Variants in COL23A1 observed in about 807,000 individuals in gnomAD.
COL23A1 encodes collagen type XXIII alpha 1 chain, also known as collagen alpha-1(XXIII) chain.
A neutral mutation model predicts 99.3 loss-of-function variants in COL23A1; 97 were observed. That is an observed-to-expected ratio of 0.98 (90% CI 0.83 to 1.16). COL23A1 has a LOEUF of 1.16. COL23A1 is among the 50% of genes most tolerant of loss of function. The probability of loss-of-function intolerance (pLI) is 0.00; values close to 1 mark genes in which losing one functional copy is unlikely to be tolerated. For missense variants in COL23A1, 762 were observed against 757.4 expected (o/e 1.01, Z -0.07); for synonymous variants, 320 against 308.2 (o/e 1.04, Z -0.40).
intron 2 of COL23A1, among the ~76,000 whole-genome samples, chr5:178,529,981 C>T (rs1760551863): frequency 6.6e-6 from 1 of 152,206 alleles, no homozygotes; most frequent in South Asian, 2.1e-4. Flanking sequence ...CTCTAGCAGT[C>T]AGGCCTATCT....
At chr5:178,512,684 G>A (rs1023757040) in intron 2 of COL23A1, among the ~76,000 whole-genome samples, 9 of 152,204 alleles carry the variant, frequency 5.9e-5, no homozygotes, top group African/African-American at 2.2e-4. Flanking sequence ...CTGGATAGGT[G>A]CAGAAGAGAA....
rs943326802 is a variant in COL23A1, at chr5:178,281,513, G to C, written c.441+6811C>G. The stretch of plus-strand genomic sequence containing the variant: ...TGCAGTCACCGCTCCCTCGACTCCA[G>C]AGGGGCTTGGGCACGGCGCTCCGGG... On this transcript the variant is annotated intron_variant, in intron 5 of 28. Transcript: ENST00000390654. The surrounding 1 kb of genome is among the most constrained non-coding windows in gnomAD (Gnocchi z 4.0). 1.3e-5 allele frequency among the ~76,000 whole-genome samples: 2 copies of C among 152,144 alleles called. No homozygotes were observed. Among genetic ancestry groups the C allele is most frequent in the African/African-American group, 4.8e-5 (2 of 41,450 alleles).
intron 2 of COL23A1, among the ~76,000 whole-genome samples, chr5:178,320,420 G>A (rs1354286149): frequency 6.6e-6 from 1 of 152,204 alleles, no homozygotes; most frequent in East Asian, 1.9e-4. Flanking sequence ...TTGTGCACAG[G>A]TAGACACAGC....
chr5:178,560,266 G>A (rs962872601), intron 2 of COL23A1, among the ~76,000 whole-genome samples: 1 of 152,100 alleles, frequency 6.6e-6, no homozygotes, highest in Non-Finnish European at 1.5e-5. Flanking sequence ...AGAAGGCTAC[G>A]TCCACTATTT....
chr5:178,486,378 G>A (rs1757627516), intron 2 of COL23A1, among the ~76,000 whole-genome samples: 1 of 152,222 alleles, frequency 6.6e-6, no homozygotes, highest in Non-Finnish European at 1.5e-5. Context: ...TGCAGCATAA[G>A]TAAGATCCAG....
intron 18 of COL23A1, among the ~76,000 whole-genome samples, chr5:178,249,437 G>A (rs1764893395): frequency 2.0e-5 from 3 of 152,334 alleles, no homozygotes; most frequent in East Asian, 1.9e-4. Flanking sequence ...AGGGGCCGGG[G>A]CAGATGGGTG....
chr5:178,248,090 G>T, intron 20 of COL23A1, 102 bp downstream of exon 20: 1 of 842,352 alleles, frequency 1.2e-6, no homozygotes, highest in Non-Finnish European at 1.9e-6. Flanking sequence ...TACTGCCCTG[G>T]GTTTGCTCAG....
Position 178,590,201 on chromosome 5 carries a change from G to T in COL23A1, c.-4C>A. The T allele has an allele frequency of 8.2e-7, 1 of 1,212,480 alleles. No homozygotes were observed. Among genetic ancestry groups the T allele is most frequent in the Non-Finnish European group, 1.0e-6 (1 of 977,498 alleles). The allele number at this position is 1,212,480 out of a possible 1,614,324, so 75.1% of individuals were successfully genotyped here. On this transcript the variant is annotated 5_prime_UTR_variant, in exon 1 of 29. Transcript: ENST00000390654. This position sits in a 1 kb window ranked among gnomAD's most constrained non-coding sequence, Gnocchi z 5.7. ...CGGCGCGCTCGCCTGGGCCCATGGC[G>T]CGTTCGTCGCGCGTGGACTCTCCGA... is the stretch of plus-strand genomic sequence containing the variant.
intron 9 of COL23A1, 139 bp from the exon 10 acceptor site, chr5:178,262,391 C>T: frequency 1.3e-6 from 1 of 741,704 alleles, no homozygotes; most frequent in South Asian, 1.7e-5. Context: ...GAGCGAGTAT[C>T]ACTGTCCCCA....
chr5:178,353,425 A>C (rs1761443150), intron 2 of COL23A1, among the ~76,000 whole-genome samples: 1 of 152,216 alleles, frequency 6.6e-6, no homozygotes, highest in South Asian at 2.1e-4. Flanking sequence ...AAACTATGAG[A>C]AAATATTTCC....
intron 2 of COL23A1, among the ~76,000 whole-genome samples, chr5:178,345,894 A>G (rs185935041): frequency 2.0e-5 from 3 of 152,272 alleles, no homozygotes; most frequent in Non-Finnish European, 1.5e-5. Context: ...GGACATGGTC[A>G]TTCACTTGGG....
chr5:178,539,512 C>T (rs1168466457), intron 2 of COL23A1, among the ~76,000 whole-genome samples: 1 of 124,734 alleles, frequency 8.0e-6, no homozygotes, highest in Non-Finnish European at 1.6e-5. Context: ...CGCCATTGCA[C>T]TCCGGCCTGG....
At chr5:178,441,968 A>G (rs1253820538) in intron 2 of COL23A1, among the ~76,000 whole-genome samples, 2 of 152,152 alleles carry the variant, frequency 1.3e-5, no homozygotes, top group Non-Finnish European at 2.9e-5. Context: ...CCAGTGGCTC[A>G]TGCCTCAGTT....
chr5:178,420,954 C>T (rs543618816), intron 2 of COL23A1, among the ~76,000 whole-genome samples: 14 of 151,986 alleles, frequency 9.2e-5, no homozygotes, highest in African/African-American at 1.7e-4. Context: ...GAATGTCTCC[C>T]TCCCTGGCGT....
intron 12 of COL23A1, among the ~76,000 whole-genome samples, chr5:178,258,677 C>G (rs1009429603): frequency 2.6e-5 from 4 of 151,828 alleles, no homozygotes; most frequent in Admixed American, 2.0e-4. Context: ...TTACAGGCGT[C>G]AGCCACCGCT....
chr5:178,393,576 C>G (rs1764078216), intron 2 of COL23A1, among the ~76,000 whole-genome samples: 2 of 151,952 alleles, frequency 1.3e-5, no homozygotes, highest in Non-Finnish European at 2.9e-5. Context: ...CCATTCAGAT[C>G]ATGTGAGACC....
At chr5:178,269,358 C>CTAT (rs1561809687) in intron 6 of COL23A1, among the ~76,000 whole-genome samples, 2 of 42,814 alleles carry the variant, frequency 4.7e-5, no homozygotes, top group African/African-American at 1.1e-4. Flanking sequence ...CACCCACCCA[C>CTAT]CCATCCACCC....
At chr5:178,380,730 C>T (rs377294517) in intron 2 of COL23A1, among the ~76,000 whole-genome samples, 2 of 152,094 alleles carry the variant, frequency 1.3e-5, no homozygotes, top group East Asian at 1.9e-4. Context: ...GGATCACGTC[C>T]GGGGCCAATG....
At chr5:178,511,429 T>C (rs1212972614) in intron 2 of COL23A1, among the ~76,000 whole-genome samples, 1 of 152,256 alleles carries the variant, frequency 6.6e-6, no homozygotes, top group African/African-American at 2.4e-5. Context: ...GGCTGTGAGT[T>C]GTCATTCCTT....
Sources: gnomAD v4.1 joint callset for allele counts (sites outside exome capture counted in the v4.1 genomes callset) on GRCh38, gnomAD v4.1.1 for gene constraint, Gnocchi (gnomAD v3.1) non-coding constraint, MANE v1.5 for transcripts, NCBI Gene and HGNC (gene_info 2026-07-23, HGNC 2026-07-21) for gene names.